WDFY4: variants seen among roughly 807,000 people sequenced by gnomAD.
WDFY4 encodes WDFY family member 4.
Under a neutral mutation model 351.9 loss-of-function variants are expected in WDFY4, and 169 were observed. The observed-to-expected ratio is 0.48, with a 90% CI of 0.42 to 0.55. The LOEUF is 0.55. Among genes scored for constraint, WDFY4 ranks in the 20% least tolerant of loss-of-function variants. The probability of loss-of-function intolerance (pLI) is 0.00; values close to 1 mark genes in which losing one functional copy is unlikely to be tolerated. For missense variants in WDFY4, 3,803 were observed against 3,935.6 expected (o/e 0.97, Z 0.90); for synonymous variants, 1,622 against 1,574.6 (o/e 1.03, Z -0.71).
intron 23 of WDFY4, among the ~76,000 whole-genome samples, chr10:48,794,656 G>A (rs753440736): frequency 6.6e-6 from 1 of 152,168 alleles, no homozygotes; most frequent in Non-Finnish European, 1.5e-5. Flanking sequence ...AGATTGAGAA[G>A]CAAGAGGGAA....
intron 51 of WDFY4, among the ~76,000 whole-genome samples, chr10:48,952,710 G>A (rs1195291362): frequency 1.3e-5 from 2 of 151,976 alleles, no homozygotes; most frequent in African/African-American, 4.8e-5. Flanking sequence ...AGCAAGTCTT[G>A]ACGGGTTCAC....
chr10:48,868,140 A>G (rs2069620985), intron 40 of WDFY4, among the ~76,000 whole-genome samples: 1 of 152,198 alleles, frequency 6.6e-6, no homozygotes, highest in Non-Finnish European at 1.5e-5. Flanking sequence ...CAGAAGAGGC[A>G]CTAATCATCT....
intron 13 of WDFY4, among the ~76,000 whole-genome samples, chr10:48,771,614 C>G (rs1391186863): frequency 6.6e-6 from 1 of 152,208 alleles, no homozygotes; most frequent in African/African-American, 2.4e-5. Context: ...ACTTCAAGAG[C>G]CTTGTGAAAT....
At chr10:48,745,527 A>G (rs767444120) in intron 12 of WDFY4, 61 of 316,728 alleles carry the variant, frequency 1.9e-4, no homozygotes, top group South Asian at 8.8e-4. Flanking sequence ...TTTGGAATAA[A>G]CAGGCCTTAT....
At chr10:48,914,673 G>A (rs1161251746) in intron 47 of WDFY4, among the ~76,000 whole-genome samples, 1 of 152,140 alleles carries the variant, frequency 6.6e-6, no homozygotes. Context: ...CATAAGCCTG[G>A]ATCTTAGAGA....
At chr10:48,862,339 T>G (rs1410701994) in intron 39 of WDFY4, among the ~76,000 whole-genome samples, 1 of 152,218 alleles carries the variant, frequency 6.6e-6, no homozygotes, top group Non-Finnish European at 1.5e-5. Flanking sequence ...AACAATTAAA[T>G]GGTTTATAGC....
intron 21 of WDFY4, 117 bp from the exon 22 acceptor site, chr10:48,789,757 G>C: frequency 1.2e-6 from 1 of 863,544 alleles, no homozygotes; most frequent in African/African-American, 1.7e-5. Context: ...CATGATCATT[G>C]CTGATGGAGT....
chr10:48,946,889 A>C lies in WDFY4; in HGVS notation c.7897A>C (p.Thr2633Pro), dbSNP rs1231343770. The C allele has an allele frequency of 1.9e-6, 3 of 1,551,804 alleles. No homozygotes were observed. Among genetic ancestry groups the C allele is most frequent in the Non-Finnish European group, 2.6e-6 (3 of 1,147,062 alleles). The change falls in exon 51 of 62, where the codon ACC becomes CCC. Residue 2633 changes from threonine (T) to proline (P), a missense_variant. Transcript: ENST00000325239. ...CATGACTGTCCAGTGCCACTACTACACCCACTACTCCTCGGCCATCATCGT... is the reference window on the plus strand; with the variant it reads ...CATGACTGTCCAGTGCCACTACTACCCCCACTACTCCTCGGCCATCATCGT... ...GDMTVQCHYYTHYSSAIIVAS... is the reference protein window; with the variant it reads ...GDMTVQCHYYPHYSSAIIVAS...
chr10:48,728,215 G>GT (rs900346489), intron 7 of WDFY4, among the ~76,000 whole-genome samples: 1 of 152,198 alleles, frequency 6.6e-6, no homozygotes, highest in African/African-American at 2.4e-5. Context: ...CCCTACTGGT[G>GT]TTTTCTGGGA....
chr10:48,774,281 C>T (rs948693268), intron 13 of WDFY4, among the ~76,000 whole-genome samples, 177 bp from the exon 14 acceptor site: 6 of 79,768 alleles, frequency 7.5e-5, no homozygotes, highest in African/African-American at 4.6e-4. Flanking sequence ...TTGCCCCCCG[C>T]CAGGTGAGGA....
chr10:48,792,361 T>C (rs2066713090), intron 23 of WDFY4, among the ~76,000 whole-genome samples: 1 of 152,186 alleles, frequency 6.6e-6, no homozygotes, highest in South Asian at 2.1e-4. Context: ...ACTGGAATGC[T>C]CAGTCTACAC....
intron 59 of WDFY4, chr10:48,977,213 C>T (rs1842607956): frequency 3.0e-6 from 1 of 336,982 alleles, no homozygotes; most frequent in Non-Finnish European, 5.3e-6. Context: ...CACACAGACA[C>T]ACACTAAAAT....
intron 39 of WDFY4, among the ~76,000 whole-genome samples, chr10:48,838,398 C>T (rs909584941): frequency 5.3e-5 from 8 of 152,032 alleles, no homozygotes; most frequent in Non-Finnish European, 1.2e-4. Context: ...CCAGACCTGC[C>T]GTCACCCACC....
Position 48,817,362 on chromosome 10 carries a change from T to A in WDFY4, c.5458T>A (p.Phe1820Ile), listed in dbSNP as rs1172073145. The change falls in exon 32 of 62, where the codon TTC becomes ATC. Residue 1820 changes from phenylalanine (F) to isoleucine (I), a missense_variant. Coordinates refer to ENST00000325239, the MANE Select transcript of WDFY4 (RefSeq NM_001394531.1). ...GGACCCAGCGTGGCGAGCCCCGGAGTTCCTCCAGACCTTGGCCATAGCCGC... is the reference window on the plus strand; with the variant it reads ...GGACCCAGCGTGGCGAGCCCCGGAGATCCTCCAGACCTTGGCCATAGCCGC... ...PQDPAWRAPE[F>I]LQTLAIAAFP... 1 of 1,551,454 alleles carries A rather than the reference T, an allele frequency of 6.4e-7. No homozygotes were observed. The highest frequency in any genetic ancestry group is 8.7e-7 in the Non-Finnish European group (1 of 1,146,970).
At chr10:48,889,931 GC>G (rs1305871987) in intron 43 of WDFY4, among the ~76,000 whole-genome samples, 1 of 152,218 alleles carries the variant, frequency 6.6e-6, no homozygotes, top group Non-Finnish European at 1.5e-5. Context: ...GGTACAGACT[GC>G]CCCTGGGAAG....
chr10:48,816,053 A>G (rs1465675909), intron 31 of WDFY4, among the ~76,000 whole-genome samples: 3 of 152,130 alleles, frequency 2.0e-5, no homozygotes, highest in Non-Finnish European at 4.4e-5. Context: ...AATTTGTCCC[A>G]TTATTATTGG....
chr10:48,727,367 C>T, intron 6 of WDFY4, 103 bp from the exon 7 acceptor site: 2 of 1,189,196 alleles, frequency 1.7e-6, no homozygotes, highest in South Asian at 1.6e-5. Context: ...AATTCCCATT[C>T]ATGTCTTGAC....
In WDFY4 at chr10:48,786,727, G is replaced by C. The variant is rs780248752; in HGVS notation, c.3665G>C (p.Arg1222Pro). 1 of 1,552,166 alleles carries C rather than the reference G, an allele frequency of 6.4e-7. No homozygotes were observed. Among genetic ancestry groups the C allele is most frequent in the Admixed American group, 2.0e-5 (1 of 51,000 alleles). The part of the protein sequence containing the change: ...VDVYGYIATP[R>P]VWKQKSSLIW... ...GTTTATGGATATATTGCTACTCCTC[G>C]AGTCTGGAAACAAAAGTCTTCATTA... Residue 1222 changes from arginine to proline, a missense_variant, in exon 20 of 62, where the codon CGA becomes CCA. Physicochemically the swap from Arg to Pro is moderately radical, Grantham distance 103. This residue lies in a region of WDFY4 where 3,054 missense variants were observed against 3,148.6 expected (regional missense o/e 0.97). Transcript: ENST00000325239.
chr10:48,718,811 C>T (rs554832091), intron 2 of WDFY4, among the ~76,000 whole-genome samples: 3 of 152,290 alleles, frequency 2.0e-5, no homozygotes, highest in Non-Finnish European at 2.9e-5. Context: ...AGCGGACTTA[C>T]GAACAGGGCT....
Sources: allele counts gnomAD v4.1 joint callset (sites outside exome capture counted in the v4.1 genomes callset), GRCh38; gene constraint gnomAD v4.1.1; regional missense constraint gnomAD v4.1.1; transcripts MANE v1.5; gene names NCBI Gene and HGNC (gene_info 2026-07-23, HGNC 2026-07-21).